NEMP2: variants seen among roughly 807,000 people sequenced by gnomAD.
NEMP2 encodes UPF0571 transmembrane protein.
NEMP2 carries 53 observed loss-of-function variants against 54.2 expected under a neutral mutation model. The observed-to-expected ratio is 0.98, with a 90% CI of 0.78 to 1.23. NEMP2 has a LOEUF of 1.23. NEMP2 is among the 50% of genes most tolerant of loss of function. NEMP2 has a pLI of 0.00. For missense variants in NEMP2, 455 were observed against 511.3 expected, an observed-to-expected ratio of 0.89 and a Z score of 1.06; for synonymous variants, 197 against 190.3, an observed-to-expected ratio of 1.04 and a Z score of -0.29.
the NEMP2 span, among the ~76,000 whole-genome samples, chr2:190,630,312 G>A: frequency 1.3e-5 from 2 of 152,040 alleles, no homozygotes; most frequent in Admixed American, 1.3e-4. The surrounding 1 kb of genome is among the most constrained non-coding windows in gnomAD (Gnocchi z 5.5). Flanking sequence ...CTGCCTCCTG[G>A]GTTCAAGCCA....
Position 190,514,395 on chromosome 2 carries a change from A to T in NEMP2, c.953+58T>A. 1 of 1,418,088 alleles carries T rather than the reference A, an allele frequency of 7.1e-7. No individual in the cohort carries two copies. 87.8% of individuals were successfully genotyped at this position (1,418,088 alleles called of 1,614,324 possible). A position where few individuals can be genotyped will look rare whatever the true frequency, so the allele number is the denominator to read the frequency against. On this transcript the variant is annotated intron_variant, in intron 7 of 8. Coordinates refer to ENST00000409150, the MANE Select transcript of NEMP2 (RefSeq NM_001142645.2). This position sits in a 1 kb window ranked among gnomAD's most constrained non-coding sequence, Gnocchi z 5.7. ...CATGATGTGTGCAAACACTCTCCCA[A>T]ATAATAAAACTAGAGCTCAAAATGT... is the stretch of plus-strand genomic sequence containing the variant.
At chr2:190,569,560 G>A in the NEMP2 span, among the ~76,000 whole-genome samples, 1 of 152,084 alleles carries the variant, frequency 6.6e-6, no homozygotes, top group Non-Finnish European at 1.5e-5. Flanking sequence ...GGAAGCTCTT[G>A]GTAGACTGAA....
the NEMP2 span, among the ~76,000 whole-genome samples, chr2:190,465,472 T>C: frequency 6.6e-6 from 1 of 152,104 alleles, no homozygotes; most frequent in Non-Finnish European, 1.5e-5. This position sits in a 1 kb window ranked among gnomAD's most constrained non-coding sequence, Gnocchi z 4.6. Flanking sequence ...GCCCATAAGA[T>C]TACTGATTAT....
At chr2:190,550,684 A>C in the NEMP2 span, among the ~76,000 whole-genome samples, 4 of 152,286 alleles carry the variant, frequency 2.6e-5, no homozygotes, top group Non-Finnish European at 5.9e-5. The surrounding 1 kb of genome is among the most constrained non-coding windows in gnomAD (Gnocchi z 4.7). Flanking sequence ...ATTTTGTACA[A>C]ATGTAGCCTT....
chr2:190,436,875 A>G, the NEMP2 span: 1 of 1,614,222 alleles, frequency 6.2e-7, no homozygotes, highest in Non-Finnish European at 8.5e-7. The surrounding 1 kb of genome is among the most constrained non-coding windows in gnomAD (Gnocchi z 5.3). Flanking sequence ...ATGATCAACA[A>G]GAAGTTGAAG....
chr2:190,618,909 G>A, the NEMP2 span, among the ~76,000 whole-genome samples: 7,769 of 152,248 alleles, frequency 0.051, 699 homozygotes, highest in African/African-American at 0.18. Flanking sequence ...TTGCATTATT[G>A]TGTCATCTGA....
the NEMP2 span, among the ~76,000 whole-genome samples, chr2:190,585,613 A>G: frequency 5.9e-5 from 9 of 152,220 alleles, no homozygotes; most frequent in African/African-American, 2.2e-4. This position sits in a 1 kb window ranked among gnomAD's most constrained non-coding sequence, Gnocchi z 5.3. Flanking sequence ...GTACAGCCAT[A>G]TACAGCAGCC....
chr2:190,448,516 GA>G, the NEMP2 span, among the ~76,000 whole-genome samples: 2 of 152,202 alleles, frequency 1.3e-5, no homozygotes, highest in Non-Finnish European at 2.9e-5. Context: ...TGCCAACATG[GA>G]AAGCTGTCAA....
the NEMP2 span, chr2:190,628,441 T>G: frequency 6.6e-6 from 1 of 152,256 alleles, no homozygotes; most frequent in African/African-American, 2.4e-5. The surrounding 1 kb of genome is among the most constrained non-coding windows in gnomAD (Gnocchi z 4.1). Flanking sequence ...ATACATGCTC[T>G]TAACTAGCAA....
the NEMP2 span, among the ~76,000 whole-genome samples, chr2:190,491,800 C>T: frequency 1.3e-5 from 2 of 152,122 alleles, no homozygotes; most frequent in Admixed American, 1.3e-4. The surrounding 1 kb of genome is among the most constrained non-coding windows in gnomAD (Gnocchi z 4.2). Context: ...TAGATCCAAA[C>T]CAAGAAGAAA....
the NEMP2 span, among the ~76,000 whole-genome samples, chr2:190,602,818 T>C: frequency 1.3e-5 from 2 of 152,290 alleles, no homozygotes; most frequent in African/African-American, 4.8e-5. Context: ...TAGGCAAGCA[T>C]AGTTTTGAAG....
the NEMP2 span, among the ~76,000 whole-genome samples, chr2:190,645,054 C>T: frequency 6.6e-6 from 1 of 152,124 alleles, no homozygotes; most frequent in Non-Finnish European, 1.5e-5. Flanking sequence ...CAAATCTACT[C>T]CTAACAGGTA....
rs1379721910 is a variant in NEMP2 at position 190,529,391 on chromosome 2, C to T, written c.98-4013G>A. Among the ~76,000 whole-genome samples, 1 of 152,084 alleles carries T rather than the reference C, an allele frequency of 6.6e-6. No homozygotes were observed. The highest frequency in any genetic ancestry group is 1.5e-5 in the Non-Finnish European group (1 of 68,022). On this transcript the variant is annotated intron_variant, in intron 1 of 8. Coordinates refer to ENST00000409150, the MANE Select transcript of NEMP2 (RefSeq NM_001142645.2). The surrounding 1 kb of genome is among the most constrained non-coding windows in gnomAD (Gnocchi z 4.7). ...CCTGTCCTCAAGATGCCAGCGAGCC[C>T]CCACATAAAGTTTCCTCAGTCTGCT...
At chr2:190,552,103 T>G in the NEMP2 span, among the ~76,000 whole-genome samples, 1 of 152,212 alleles carries the variant, frequency 6.6e-6, no homozygotes, top group Admixed American at 6.5e-5. Flanking sequence ...CACTCACAAC[T>G]TGTGGGTTGG....
Position 190,513,996 on chromosome 2 carries a change from G to A in NEMP2, c.953+457C>T, listed in dbSNP as rs1236738391. ...TCTTTTTATACTCCAAAGGCCATAA[G>A]CCTTAACTAAAAACCTAAGAGAAAA... On this transcript the variant is annotated intron_variant, in intron 7 of 8. Coordinates refer to ENST00000409150, the MANE Select transcript of NEMP2 (RefSeq NM_001142645.2). This position sits in a 1 kb window ranked among gnomAD's most constrained non-coding sequence, Gnocchi z 5.3. 6.6e-6 allele frequency among the ~76,000 whole-genome samples: 1 copy of A among 152,132 alleles called. No homozygotes were observed. Among genetic ancestry groups the A allele is most frequent in the Non-Finnish European group, 1.5e-5 (1 of 68,020 alleles).
the NEMP2 span, among the ~76,000 whole-genome samples, chr2:190,458,083 T>C: frequency 2.6e-5 from 4 of 152,220 alleles, no homozygotes; most frequent in Non-Finnish European, 5.9e-5. This position sits in a 1 kb window ranked among gnomAD's most constrained non-coding sequence, Gnocchi z 5.3. Context: ...CTGTTGCTGG[T>C]CTAGGGAGGA....
the NEMP2 span, among the ~76,000 whole-genome samples, chr2:190,577,896 C>CA: frequency 6.6e-6 from 1 of 151,736 alleles, no homozygotes; most frequent in Non-Finnish European, 1.5e-5. The surrounding 1 kb of genome is among the most constrained non-coding windows in gnomAD (Gnocchi z 4.8). Context: ...AAAACAAAAA[C>CA]AAAAAACTTA....
At chr2:190,639,927 C>T in the NEMP2 span, among the ~76,000 whole-genome samples, 5 of 151,652 alleles carry the variant, frequency 3.3e-5, no homozygotes, top group Non-Finnish European at 7.4e-5. Context: ...GGATTACAGT[C>T]GTGAGCCACT....
the NEMP2 span, chr2:190,610,739 A>G: frequency 6.6e-6 from 1 of 152,296 alleles, no homozygotes; most frequent in Non-Finnish European, 1.5e-5. The surrounding 1 kb of genome is among the most constrained non-coding windows in gnomAD (Gnocchi z 5.4). Flanking sequence ...ATATGCTCCA[A>G]ATTTTGTTCA....
Sources: allele counts gnomAD v4.1 joint callset (sites outside exome capture counted in the v4.1 genomes callset), GRCh38; gene constraint gnomAD v4.1.1; non-coding constraint Gnocchi (gnomAD v3.1); transcripts MANE v1.5; gene names NCBI Gene and HGNC (gene_info 2026-07-23, HGNC 2026-07-21).